BMPR2: variants seen among roughly 807,000 people sequenced by gnomAD.
BMPR2 encodes bone morphogenetic protein receptor type 2.
Under a neutral mutation model 100.8 loss-of-function variants are expected in BMPR2, and 29 were observed. That is an observed-to-expected ratio of 0.29 (90% CI 0.21 to 0.39). The LOEUF (loss-of-function observed/expected upper bound fraction) is 0.39, where lower values mean the gene tolerates loss of function less well. BMPR2 is among the 10% of genes least tolerant of loss of function. The pLI, the probability that BMPR2 is intolerant of heterozygous loss-of-function variation, is 1.00. For synonymous variants in BMPR2, 382 were observed against 442.3 expected (o/e 0.86, Z 1.71); for missense variants, 1,011 against 1,274.5 (o/e 0.79, Z 3.15).
At chr2:202,512,963 ATT>A (rs1231674043) in intron 3 of BMPR2, among the ~76,000 whole-genome samples, 9 of 143,056 alleles carry the variant, frequency 6.3e-5, no homozygotes, top group Non-Finnish European at 6.2e-5. Flanking sequence ...AAAAACTTTA[ATT>A]TTTTTTTTTT....
chr2:202,491,470 C>CTGAA (rs1246900935), intron 3 of BMPR2, among the ~76,000 whole-genome samples: 1 of 151,986 alleles, frequency 6.6e-6, no homozygotes, highest in African/African-American at 2.4e-5. Flanking sequence ...GTCCCCCAGG[C>CTGAA]TGAAGTACAG....
At position 202,509,656 on chromosome 2, in the gene BMPR2, C is replaced by A. The variant is rs61080058; in HGVS notation, c.419-4063C>A. 5.7e-3 allele frequency among the ~76,000 whole-genome samples: 862 copies of A among 151,730 alleles called. 14 individuals are homozygous for A. Among genetic ancestry groups the A allele is most frequent in the African/African-American group, 0.019 (801 of 41,478 alleles). ...TTTTTCAGGTTTTTCCAAAATCTAA[C>A]CTTTGTTACATTAAAATTTTAATAT... On this transcript the variant is annotated intron_variant, in intron 3 of 12. Coordinates refer to ENST00000374580, the MANE Select transcript of BMPR2 (RefSeq NM_001204.7).
intron 3 of BMPR2, among the ~76,000 whole-genome samples, chr2:202,469,319 T>C (rs1692389090): frequency 6.6e-6 from 1 of 151,638 alleles, no homozygotes; most frequent in African/African-American, 2.4e-5. Context: ...TGAGCCACCG[T>C]ACTCGGCCTG....
At chr2:202,403,660 A>G (rs1000756033) in intron 1 of BMPR2, among the ~76,000 whole-genome samples, 3 of 152,142 alleles carry the variant, frequency 2.0e-5, no homozygotes, top group African/African-American at 7.2e-5. Context: ...TTATATTTTA[A>G]AAAGTTTCAA....
chr2:202,390,651 A>T (rs953766210), intron 1 of BMPR2, among the ~76,000 whole-genome samples: 2 of 151,918 alleles, frequency 1.3e-5, no homozygotes, highest in African/African-American at 4.8e-5. Flanking sequence ...CCATTTTCTT[A>T]TACCTTTTCA....
chr2:202,382,910 C>T (rs1441307717), intron 1 of BMPR2, among the ~76,000 whole-genome samples: 1 of 152,194 alleles, frequency 6.6e-6, no homozygotes, highest in Non-Finnish European at 1.5e-5. Flanking sequence ...GACAACGAGC[C>T]TGGGAATCTG....
intron 9 of BMPR2, among the ~76,000 whole-genome samples, chr2:202,542,038 G>A (rs899130359): frequency 1.3e-5 from 2 of 151,692 alleles, no homozygotes; most frequent in Non-Finnish European, 2.9e-5. Flanking sequence ...TTGAACCCGG[G>A]AGGCAGAGGT....
At chr2:202,386,015 T>C (rs1020076334) in intron 1 of BMPR2, among the ~76,000 whole-genome samples, 2 of 152,182 alleles carry the variant, frequency 1.3e-5, no homozygotes, top group African/African-American at 4.8e-5. Context: ...CTTTCTTCAT[T>C]TGGCTTTTAA....
At chr2:202,480,233 C>T (rs532481001) in intron 3 of BMPR2, among the ~76,000 whole-genome samples, 24 of 152,116 alleles carry the variant, frequency 1.6e-4, no homozygotes, top group African/African-American at 4.3e-4. Context: ...CTTGGGTTCA[C>T]GCTATTCTCC....
At chr2:202,494,516 CAG>C (rs1559055194) in intron 3 of BMPR2, among the ~76,000 whole-genome samples, 1 of 152,214 alleles carries the variant, frequency 6.6e-6, no homozygotes, top group Non-Finnish European at 1.5e-5. Context: ...ATGAGACAGA[CAG>C]AGGTTCCCTG....
intron 3 of BMPR2, among the ~76,000 whole-genome samples, chr2:202,494,933 T>C (rs969124886): frequency 6.6e-6 from 1 of 152,172 alleles, no homozygotes; most frequent in African/African-American, 2.4e-5. Flanking sequence ...AGTTCCCTTG[T>C]CCTGACAGGG....
At chr2:202,420,738 G>C (rs1281296272) in intron 1 of BMPR2, among the ~76,000 whole-genome samples, 1 of 150,850 alleles carries the variant, frequency 6.6e-6, no homozygotes, top group Non-Finnish European at 1.5e-5. Context: ...GTAGAGATGG[G>C]GTTTCACCAT....
At chr2:202,418,349 G>C (rs1259453019) in intron 1 of BMPR2, among the ~76,000 whole-genome samples, 1 of 152,140 alleles carries the variant, frequency 6.6e-6, no homozygotes, top group Non-Finnish European at 1.5e-5. Flanking sequence ...TATCTGTTTT[G>C]CCTAAGACAT....
chr2:202,456,513 C>CTTT (rs200573778), intron 1 of BMPR2, among the ~76,000 whole-genome samples: 1 of 132,948 alleles, frequency 7.5e-6, no homozygotes, highest in East Asian at 2.2e-4. Flanking sequence ...TTCTTTCTTT[C>CTTT]TTTCTTTTTT....
intron 3 of BMPR2, among the ~76,000 whole-genome samples, chr2:202,491,471 T>C (rs770228834): frequency 6.6e-6 from 1 of 152,088 alleles, no homozygotes; most frequent in African/African-American, 2.4e-5. Flanking sequence ...TCCCCCAGGC[T>C]GAAGTACAGT....
intron 8 of BMPR2, among the ~76,000 whole-genome samples, chr2:202,531,160 G>A (rs903631572): frequency 1.3e-5 from 2 of 152,108 alleles, no homozygotes; most frequent in South Asian, 2.1e-4. Context: ...AAAATTAGCC[G>A]GGCACAGTGG....
chr2:202,552,681 A>G, intron 10 of BMPR2, 35 bp from the exon 11 acceptor site: 3 of 1,610,250 alleles, frequency 1.9e-6, no homozygotes, highest in Middle Eastern at 1.7e-4. Context: ...TTTTTTTTTA[A>G]AGACACATGG....
intron 1 of BMPR2, among the ~76,000 whole-genome samples, chr2:202,444,458 T>TA (rs1691810656): frequency 6.6e-6 from 1 of 150,792 alleles, no homozygotes; most frequent in African/African-American, 2.5e-5. Flanking sequence ...AACAAATTTC[T>TA]AAAAAAATAA....
At chr2:202,500,476 A>G (rs1293224484) in intron 3 of BMPR2, among the ~76,000 whole-genome samples, 1 of 152,206 alleles carries the variant, frequency 6.6e-6, no homozygotes, top group African/African-American at 2.4e-5. Flanking sequence ...TCAACCCTGA[A>G]GTCTGGGCAT....
Sources: allele counts gnomAD v4.1 joint callset (sites outside exome capture counted in the v4.1 genomes callset), GRCh38; gene constraint gnomAD v4.1.1; transcripts MANE v1.5; gene names NCBI Gene and HGNC (gene_info 2026-07-23, HGNC 2026-07-21).